AGBL4: variants seen among roughly 807,000 people sequenced by gnomAD.
The protein encoded by AGBL4 is cytosolic carboxypeptidase 6.
A neutral mutation model predicts 66.4 loss-of-function variants in AGBL4; 58 were observed. The ratio of observed to expected loss-of-function variants is 0.87; its 90% CI spans 0.71 to 1.09. The LOEUF (loss-of-function observed/expected upper bound fraction) is 1.09, where lower values mean the gene tolerates loss of function less well. Among genes scored for constraint, AGBL4 ranks in the 50% least tolerant of loss-of-function variants. AGBL4 has a pLI of 0.00. For missense variants in AGBL4, 579 were observed against 631.0 expected, an observed-to-expected ratio of 0.92 and a Z score of 0.88; for synonymous variants, 234 against 222.9, an observed-to-expected ratio of 1.05 and a Z score of -0.44.
At chr1:49,107,694 TGAGA>T (rs56321932) in intron 4 of AGBL4, among the ~76,000 whole-genome samples, 1,759 of 113,914 alleles carry the variant, frequency 0.015, 15 homozygotes, top group Middle Eastern at 0.032. Context: ...TGTGTGTGTG[TGAGA>T]GAGAGAGAGA....
chr1:49,373,649 A>AC (rs1295233502), intron 3 of AGBL4, among the ~76,000 whole-genome samples: 1 of 152,118 alleles, frequency 6.6e-6, no homozygotes. Context: ...CATTTTATGG[A>AC]GAAAAAAATT....
At chr1:49,868,783 T>G (rs911688391) in intron 1 of AGBL4, among the ~76,000 whole-genome samples, 1 of 152,012 alleles carries the variant, frequency 6.6e-6, no homozygotes, top group Non-Finnish European at 1.5e-5. Flanking sequence ...AGCTTCTGCA[T>G]AGCAAAAGAA....
chr1:49,660,213 G>C (rs1305764225), intron 3 of AGBL4, among the ~76,000 whole-genome samples: 2 of 151,968 alleles, frequency 1.3e-5, no homozygotes, highest in East Asian at 1.9e-4. Context: ...TTCTGACAAA[G>C]ATCTGATATC....
At chr1:49,327,622 G>C (rs889405630) in intron 3 of AGBL4, among the ~76,000 whole-genome samples, 3 of 152,208 alleles carry the variant, frequency 2.0e-5, no homozygotes, top group Non-Finnish European at 4.4e-5. Flanking sequence ...TAGTGGAACA[G>C]ACAGAAAAGC....
At chr1:49,412,739 T>A (rs1385257671) in intron 3 of AGBL4, among the ~76,000 whole-genome samples, 2 of 152,134 alleles carry the variant, frequency 1.3e-5, no homozygotes, top group Non-Finnish European at 2.9e-5. Flanking sequence ...AGTTTGTAGA[T>A]AATAGTTGAA....
rs373999364 is a variant in AGBL4 at position 49,212,466 on chromosome 1, C to G, written c.377+33304G>C. ...GTTATCAATTCTGGCATTCTATCTTCCAGAAATTATATTTGCCATCTAGAA... is the reference window on the plus strand; with the variant it reads ...GTTATCAATTCTGGCATTCTATCTTGCAGAAATTATATTTGCCATCTAGAA... On this transcript the variant is annotated intron_variant, in intron 4 of 13. Transcript: ENST00000371839. Among the ~76,000 whole-genome samples, 52 of 152,230 alleles carry G rather than the reference C, an allele frequency of 3.4e-4. 1 individual carries two copies. The South Asian group carries it at 9.5e-3, about 28-fold the overall frequency.
intron 5 of AGBL4, among the ~76,000 whole-genome samples, chr1:48,885,131 G>A (rs957438483): frequency 3.3e-5 from 5 of 152,082 alleles, no homozygotes; most frequent in African/African-American, 1.2e-4. Flanking sequence ...AATCTGGTCT[G>A]TTTCCTGTTT....
chr1:49,823,482 A>G (rs1460985629), intron 2 of AGBL4, among the ~76,000 whole-genome samples: 1 of 152,168 alleles, frequency 6.6e-6, no homozygotes, highest in Non-Finnish European at 1.5e-5. Context: ...ATAATAATAG[A>G]CCAGTTTTCA....
chr1:49,029,564 A>G (rs1324646595), intron 5 of AGBL4, among the ~76,000 whole-genome samples: 3 of 152,188 alleles, frequency 2.0e-5, no homozygotes, highest in Non-Finnish European at 4.4e-5. Context: ...TCCCACATTC[A>G]TGCATCAGAA....
At chr1:49,121,765 T>C (rs1018982147) in intron 4 of AGBL4, among the ~76,000 whole-genome samples, 2 of 152,230 alleles carry the variant, frequency 1.3e-5, no homozygotes, top group African/African-American at 4.8e-5. Flanking sequence ...GACGTTTAAG[T>C]CTGCAGAAGT....
At chr1:49,111,777 T>C (rs1033092006) in intron 4 of AGBL4, among the ~76,000 whole-genome samples, 3 of 152,224 alleles carry the variant, frequency 2.0e-5, no homozygotes, top group Non-Finnish European at 4.4e-5. Flanking sequence ...TTCTACTTAC[T>C]GAAGTATACT....
rs535967602 is a variant in AGBL4 at position 48,938,376 on chromosome 1, A to G, written c.595-71146T>C. The stretch of plus-strand genomic sequence containing the variant: ...CCCTAATGAAAGAGACAGAGATTAA[A>G]TAAGTATATAAAATATGTAATTATA... On this transcript the variant is annotated intron_variant, in intron 5 of 13. Transcript: ENST00000371839. Among the ~76,000 whole-genome samples, 11 of 152,346 alleles carry G rather than the reference A, an allele frequency of 7.2e-5. No homozygotes were observed. In the South Asian group the frequency reaches 1.2e-3, roughly 17 times the overall value.
intron 12 of AGBL4, among the ~76,000 whole-genome samples, chr1:48,535,195 C>T (rs1384585553): frequency 1.3e-5 from 2 of 151,908 alleles, no homozygotes; most frequent in East Asian, 3.9e-4. Flanking sequence ...GCTAGGAAGG[C>T]AAAAAGCCAT....
chr1:49,969,904 A>G (rs924193312), intron 1 of AGBL4, among the ~76,000 whole-genome samples: 1 of 152,230 alleles, frequency 6.6e-6, no homozygotes, highest in East Asian at 1.9e-4. Context: ...ACACAGACAC[A>G]TAGACCAATA....
chr1:48,591,140 A>T (rs541504429), intron 9 of AGBL4, among the ~76,000 whole-genome samples, 155 bp from the exon 10 acceptor site: 1 of 131,494 alleles, frequency 7.6e-6, no homozygotes, highest in South Asian at 2.7e-4. Context: ...GTGTCAGCAG[A>T]TTTAGCAGCC....
chr1:48,626,015 C>T (rs319950), intron 9 of AGBL4, among the ~76,000 whole-genome samples: 72,694 of 152,106 alleles, frequency 0.48, 19,426 homozygotes, highest in Middle Eastern at 0.65. Flanking sequence ...ATCCAAAGCA[C>T]CCTATGTTCT....
At chr1:49,202,734 C>CA (rs908838075) in intron 4 of AGBL4, among the ~76,000 whole-genome samples, 1 of 151,254 alleles carries the variant, frequency 6.6e-6, no homozygotes, top group East Asian at 1.9e-4. Context: ...AAAAGCACAG[C>CA]AAAAAAAGCA....
intron 9 of AGBL4, among the ~76,000 whole-genome samples, chr1:48,609,162 T>C (rs941781454): frequency 1.3e-5 from 2 of 152,142 alleles, no homozygotes; most frequent in African/African-American, 4.8e-5. Flanking sequence ...GGATACATGC[T>C]GAGAGAGCCT....
chr1:49,162,082 A>C (rs754537897), intron 4 of AGBL4, among the ~76,000 whole-genome samples: 15 of 152,186 alleles, frequency 9.9e-5, no homozygotes, highest in Non-Finnish European at 2.1e-4. Context: ...TACCTTTCTC[A>C]GAGGGTTGTG....
Sources: allele counts gnomAD v4.1 joint callset (sites outside exome capture counted in the v4.1 genomes callset), GRCh38; gene constraint gnomAD v4.1.1; transcripts MANE v1.5; gene names NCBI Gene and HGNC (gene_info 2026-07-23, HGNC 2026-07-21).